The following PLB1 variants were observed in gnomAD, a reference collection of about 807,000 sequenced individuals.
PLB1 encodes phospholipase B1, membrane-associated.
PLB1 carries 242 observed loss-of-function variants against 227.4 expected under a neutral mutation model. The observed-to-expected ratio is 1.06, with a 90% confidence interval of 0.96 to 1.18. The LOEUF (loss-of-function observed/expected upper bound fraction) is 1.18, where lower values mean the gene tolerates loss of function less well. PLB1 is among the 50% of genes most tolerant of loss of function. The probability of loss-of-function intolerance (pLI) is 0.00; values close to 1 mark genes in which losing one functional copy is unlikely to be tolerated. For synonymous variants in PLB1, 757 were observed against 682.2 expected, an observed-to-expected ratio of 1.11 and a Z score of -1.71; for missense variants, 1,858 against 1,816.3, an observed-to-expected ratio of 1.02 and a Z score of -0.42.
intron 17 of PLB1, among the ~76,000 whole-genome samples, chr2:28,560,447 T>G (rs910001447): frequency 6.6e-6 from 1 of 152,166 alleles, no homozygotes; most frequent in Non-Finnish European, 1.5e-5. Context: ...GTAGTACCTG[T>G]GTGTGTATGT....
intron 9 of PLB1, among the ~76,000 whole-genome samples, chr2:28,535,572 AT>A (rs1405274319): frequency 6.6e-6 from 1 of 151,844 alleles, no homozygotes; most frequent in Non-Finnish European, 1.5e-5. Flanking sequence ...TGGCATTTTT[AT>A]TTTTCTGAAA....
In PLB1 at chr2:28,588,134, A is replaced by G. The variant is rs1000024147; in HGVS notation, c.1816-1316A>G. Among the ~76,000 whole-genome samples the G allele has an allele frequency of 1.4e-4, 21 of 152,160 alleles. No individual in the cohort carries two copies. In the East Asian group the frequency reaches 2.3e-3, roughly 17 times the overall value. On this transcript the variant is annotated intron_variant, in intron 26 of 57. Coordinates refer to ENST00000327757, the MANE Select transcript of PLB1 (RefSeq NM_153021.5). ...ACTCTCCCTGGAGATGATCATTTCT[A>G]TTAATAACCACAGTCACTCACTTAC...
At chr2:28,570,399 C>T (rs78777220) in intron 20 of PLB1, among the ~76,000 whole-genome samples, 6,345 of 152,188 alleles carry the variant, frequency 0.042, 347 homozygotes, top group African/African-American at 0.12. Context: ...TATTCTATGT[C>T]AATAGGATAA....
At chr2:28,579,922 G>T (rs1240640507) in intron 23 of PLB1, among the ~76,000 whole-genome samples, 1 of 152,198 alleles carries the variant, frequency 6.6e-6, no homozygotes, top group African/African-American at 2.4e-5. Context: ...GATTGATCCT[G>T]ATTAAGTTTC....
chr2:28,521,296 C>T (rs982226779), intron 4 of PLB1, among the ~76,000 whole-genome samples: 6 of 152,324 alleles, frequency 3.9e-5, no homozygotes, highest in South Asian at 4.1e-4. Context: ...TACACCCAGA[C>T]GTGGGATTGC....
At chr2:28,530,190 T>C (rs112924529) in intron 8 of PLB1, among the ~76,000 whole-genome samples, 7 of 152,292 alleles carry the variant, frequency 4.6e-5, no homozygotes, top group African/African-American at 1.7e-4. Flanking sequence ...ATGGTTTTCC[T>C]TGTGGTCGTG....
chr2:28,529,320 T>C lies in PLB1; in HGVS notation c.329T>C (p.Leu110Pro), dbSNP rs1670695320. The C allele has an allele frequency of 6.2e-7, 1 of 1,607,178 alleles. No individual in the cohort carries two copies. Residue 110 changes from leucine (L) to proline (P), a missense_variant, in exon 7 of 58, where the codon CTT becomes CCT. Coordinates refer to ENST00000327757, the MANE Select transcript of PLB1 (RefSeq NM_153021.5). ...CTCAAACCAGTTCTCTCTTTAGTCC[T>C]TTCAGACATCATCAGATATTTCAGT... ...QQVCMGVMTV[L>P]SDIIRYFSPS...
chr2:28,601,251 G>A lies in PLB1; in HGVS notation c.2527-1G>A. On this transcript the variant is annotated splice_acceptor_variant, in intron 36 of 57. Transcript: ENST00000327757. LOFTEE classifies it high-confidence loss of function. Reference sequence around the variant, plus strand: ...TCAAGCATTTTCCTCCCTCCATATAGAGAGTAAATTTCCATGAAGACTGGA... The same window carrying A: ...TCAAGCATTTTCCTCCCTCCATATAAAGAGTAAATTTCCATGAAGACTGGA... The A allele has an allele frequency of 1.2e-6, 2 of 1,611,606 alleles. No individual in the cohort carries two copies. Among genetic ancestry groups the A allele is most frequent in the Non-Finnish European group, 1.7e-6 (2 of 1,177,696 alleles).
intron 20 of PLB1, among the ~76,000 whole-genome samples, chr2:28,569,990 A>G (rs944672189): frequency 3.3e-5 from 5 of 150,702 alleles, no homozygotes; most frequent in Non-Finnish European, 7.4e-5. Flanking sequence ...GAAAGAAAAA[A>G]GAAAATCTGA....
intron 17 of PLB1, among the ~76,000 whole-genome samples, chr2:28,554,489 CTTTTT>C (rs536476788): frequency 1.0e-3 from 89 of 85,454 alleles, no homozygotes; most frequent in Middle Eastern, 0.016. Context: ...CCACACCTGC[CTTTTT>C]TTTTTTTTTT....
intron 14 of PLB1, among the ~76,000 whole-genome samples, chr2:28,547,415 G>A (rs1164020281): frequency 6.6e-6 from 1 of 152,160 alleles, no homozygotes. Flanking sequence ...CTAGAGAGTT[G>A]CCACTCCTTT....
chr2:28,505,636 A>G (rs938514373), intron 1 of PLB1, among the ~76,000 whole-genome samples: 1 of 152,220 alleles, frequency 6.6e-6, no homozygotes, highest in Non-Finnish European at 1.5e-5. Flanking sequence ...TTTCATTACT[A>G]AAACAAGCTA....
intron 9 of PLB1, among the ~76,000 whole-genome samples, chr2:28,535,614 G>A (rs927310580): frequency 3.9e-5 from 6 of 152,184 alleles, no homozygotes; most frequent in African/African-American, 1.4e-4. Context: ...CTCCCTCGGT[G>A]GTTGTAAAAA....
intron 29 of PLB1, 60 bp from the exon 30 acceptor site, chr2:28,591,073 G>A: frequency 6.2e-7 from 1 of 1,603,006 alleles, no homozygotes; most frequent in Non-Finnish European, 8.5e-7. Flanking sequence ...TTAACTGAGT[G>A]CTGACAAGCA....
chr2:28,642,741 CTG>C, intron 57 of PLB1, 115 bp from the exon 58 acceptor site: 1 of 903,246 alleles, frequency 1.1e-6, no homozygotes, highest in Non-Finnish European at 1.7e-6. Context: ...AAGGGAAGCT[CTG>C]TGAAAACGTG....
intron 9 of PLB1, among the ~76,000 whole-genome samples, chr2:28,532,410 G>T (rs1248712731): frequency 2.0e-5 from 3 of 152,200 alleles, no homozygotes; most frequent in Non-Finnish European, 2.9e-5. Flanking sequence ...GCTTGAACAG[G>T]CGTTCTGTGG....
At chr2:28,604,073 G>C in intron 40 of PLB1, 26 bp downstream of exon 40, 1 of 1,585,528 alleles carries the variant, frequency 6.3e-7, no homozygotes, top group Non-Finnish European at 8.7e-7. Flanking sequence ...GCACCATGCT[G>C]TGTCCTCTCC....
chr2:28,555,903 C>T (rs967421508), intron 17 of PLB1, among the ~76,000 whole-genome samples: 42 of 131,376 alleles, frequency 3.2e-4, no homozygotes, highest in Admixed American at 2.6e-3. Context: ...TGGTCTCAGT[C>T]TGTCGCCCAG....
At chr2:28,545,895 AT>A (rs1346316429) in intron 14 of PLB1, among the ~76,000 whole-genome samples, 4 of 152,142 alleles carry the variant, frequency 2.6e-5, no homozygotes, top group Non-Finnish European at 4.4e-5. Context: ...GTCCAGGTCC[AT>A]TACTCTGTCC....
Sources: gnomAD v4.1 joint callset for allele counts (sites outside exome capture counted in the v4.1 genomes callset) on GRCh38, gnomAD v4.1.1 for gene constraint, MANE v1.5 for transcripts, NCBI Gene and HGNC (gene_info 2026-07-23, HGNC 2026-07-21) for gene names.